Variants in MYO18B observed in about 807,000 individuals in gnomAD.
MYO18B encodes the protein unconventional myosin-XVIIIb.
MYO18B carries 204 observed loss-of-function variants against 273.0 expected under a neutral mutation model. The ratio of observed to expected loss-of-function variants is 0.75; its 90% CI spans 0.67 to 0.84. MYO18B has a LOEUF of 0.84. Ranked by LOEUF, MYO18B falls within the 40% of genes least tolerant of loss-of-function variation. The probability of loss-of-function intolerance (pLI) is 0.00; values close to 1 mark genes in which losing one functional copy is unlikely to be tolerated. For synonymous variants in MYO18B, 1,330 were observed against 1,305.7 expected (o/e 1.02, Z -0.40); for missense variants, 3,212 against 3,287.6 (o/e 0.98, Z 0.56).
intron 27 of MYO18B, chr22:25,892,350 G>A (rs1459980499): frequency 2.0e-5 from 3 of 152,234 alleles, no homozygotes; most frequent in East Asian, 1.9e-4. Context: ...ACCAAATGGC[G>A]AGAAGGCGAG....
chr22:25,943,014 C>T (rs114259041), intron 34 of MYO18B, among the ~76,000 whole-genome samples: 2,303 of 152,140 alleles, frequency 0.015, 69 homozygotes, highest in African/African-American at 0.052. Flanking sequence ...CGAGGACTGG[C>T]GGGATCATGC....
rs1171245377 is a variant in MYO18B, at chr22:26,026,805, T to C, written c.6831T>C (p.Thr2277=). The C allele has an allele frequency of 6.3e-7, 1 of 1,597,234 alleles. No homozygotes were observed. The highest frequency in any genetic ancestry group is 1.4e-5 in the African/African-American group (1 of 73,922). Residue 2277 remains threonine, a synonymous_variant, in exon 43 of 44, where the codon ACT becomes ACC. Transcript: ENST00000335473. ...CGCTGGGCCTAGAGGACTGGCCCAC[T>C]CTCCCCATTTACCAGACGACTGGGG... The part of the protein sequence containing the change: ...GSTLGLEDWP[T]LPIYQTTGAS...
chr22:25,876,567 C>A (rs2091205473), intron 24 of MYO18B, among the ~76,000 whole-genome samples: 1 of 152,180 alleles, frequency 6.6e-6, no homozygotes, highest in Non-Finnish European at 1.5e-5. Flanking sequence ...TATTACCACC[C>A]TGGGGGTTCA....
chr22:26,054,333 C>G, the MYO18B span, among the ~76,000 whole-genome samples: 1 of 152,178 alleles, frequency 6.6e-6, no homozygotes. Context: ...TGAGCCCACC[C>G]CTTTTGCAAG....
chr22:25,990,421 C>T (rs150035463), intron 39 of MYO18B, among the ~76,000 whole-genome samples: 2 of 152,032 alleles, frequency 1.3e-5, no homozygotes, highest in Admixed American at 6.5e-5. Flanking sequence ...TGCAGTGGCT[C>T]ACGCCTGTAA....
intron 14 of MYO18B, 137 bp from the exon 15 acceptor site, chr22:25,828,639 T>G: frequency 1.4e-6 from 1 of 737,184 alleles, no homozygotes; most frequent in South Asian, 1.9e-5. Context: ...CTCAGAGAGG[T>G]TAAGTAGCTT....
In MYO18B at chr22:26,004,950, T is replaced by G. The variant is rs1041420471; in HGVS notation, c.6470+95T>G. On this transcript the variant is annotated intron_variant, in intron 42 of 43. Coordinates refer to ENST00000335473, the MANE Select transcript of MYO18B (RefSeq NM_032608.7). The stretch of plus-strand genomic sequence containing the variant: ...TTCAAGTCTTTCATTGTCTCTGGCA[T>G]AGGCAAAAACAAGCATGGTCCTGAA... The G allele has an allele frequency of 2.7e-6, 4 of 1,506,156 alleles. No homozygotes were observed. The African/African-American group carries it at 5.5e-5, about 21-fold the overall frequency. The allele number at this position is 1,506,156 out of a possible 1,614,324, so 93.3% of individuals were successfully genotyped here. A position where few individuals can be genotyped will look rare whatever the true frequency, so the allele number is the denominator to read the frequency against.
intron 10 of MYO18B, among the ~76,000 whole-genome samples, chr22:25,784,902 G>A (rs1167569043): frequency 6.6e-6 from 1 of 152,180 alleles, no homozygotes; most frequent in Non-Finnish European, 1.5e-5. Context: ...GCAGGATAGC[G>A]CGGAGTCTGG....
chr22:25,775,284 G>T (rs549397806), intron 7 of MYO18B, among the ~76,000 whole-genome samples: 1 of 152,316 alleles, frequency 6.6e-6, no homozygotes, highest in Non-Finnish European at 1.5e-5. Flanking sequence ...ACTCATGACT[G>T]TTCCTCAGGG....
chr22:25,835,204 A>T, intron 16 of MYO18B, 92 bp from the exon 17 acceptor site: 2 of 1,443,136 alleles, frequency 1.4e-6, no homozygotes, highest in Non-Finnish European at 1.8e-6. Flanking sequence ...TGGGACTTGG[A>T]TGCTCTCATT....
At chr22:25,923,118 G>A (rs897857701) in intron 34 of MYO18B, among the ~76,000 whole-genome samples, 1 of 152,158 alleles carries the variant, frequency 6.6e-6, no homozygotes, top group Non-Finnish European at 1.5e-5. Flanking sequence ...TTCTAATCTG[G>A]GTTTGATGGT....
Position 25,878,068 on chromosome 22 carries a change from TGGGTCCTTGTGG to T in MYO18B, c.4314+24_4314+35del, listed in dbSNP as rs1484073768. ...AGCAAGGTATCCCCATCCCTCCTCT[TGGGTCCTTGTGG>T]GGGGTCTTTATGTATGTGAGATCTG... On this transcript the variant is annotated intron_variant, in intron 25 of 43. Coordinates refer to ENST00000335473, the MANE Select transcript of MYO18B (RefSeq NM_032608.7). The T allele has an allele frequency of 5.2e-6, 8 of 1,544,570 alleles. No individual in the cohort carries two copies. Among genetic ancestry groups the T allele is most frequent in the Non-Finnish European group, 7.0e-6 (8 of 1,137,000 alleles).
At position 25,843,753 on chromosome 22, in the gene MYO18B, C is replaced by A. The variant is rs776085741; in HGVS notation, c.3227C>A (p.Thr1076Asn). The A allele has an allele frequency of 1.2e-6, 2 of 1,613,708 alleles. No individual in the cohort carries two copies. The highest frequency in any genetic ancestry group is 1.7e-6 in the Non-Finnish European group (2 of 1,179,622). Residue 1076 changes from threonine to asparagine, a missense_variant, in exon 18 of 44, where the codon ACC becomes AAC. Coordinates refer to ENST00000335473, the MANE Select transcript of MYO18B (RefSeq NM_032608.7). ...AGTEGSSALRTCEQPLQCEIF... is the reference protein window; with the variant it reads ...AGTEGSSALRNCEQPLQCEIF... ...TTTCCAGGGTCCTCTGCCCTGCGGACCTGTGAGCAGCCCCTCCAGTGTGAG... is the reference window on the plus strand; with the variant it reads ...TTTCCAGGGTCCTCTGCCCTGCGGAACTGTGAGCAGCCCCTCCAGTGTGAG...
At chr22:25,875,617 C>T (rs1346125902) in intron 23 of MYO18B, among the ~76,000 whole-genome samples, 1 of 152,222 alleles carries the variant, frequency 6.6e-6, no homozygotes, top group Non-Finnish European at 1.5e-5. Context: ...TTGCAGGCTC[C>T]ATCCCAGAGT....
chr22:25,943,074 A>G (rs562780458), intron 34 of MYO18B, among the ~76,000 whole-genome samples: 28 of 152,178 alleles, frequency 1.8e-4, no homozygotes, highest in Non-Finnish European at 2.9e-4. Flanking sequence ...GAACTGTGTC[A>G]TCGTGTTCTG....
At chr22:26,009,481 GTGT>G (rs1364738786) in intron 42 of MYO18B, among the ~76,000 whole-genome samples, 1 of 152,110 alleles carries the variant, frequency 6.6e-6, no homozygotes, top group Non-Finnish European at 1.5e-5. Context: ...CTTCTCAGAC[GTGT>G]TGTTAATAGG....
intron 1 of MYO18B, chr22:25,756,771 A>G (rs9613013): frequency 0.21 from 32,487 of 152,298 alleles, 4,441 homozygotes; most frequent in African/African-American, 0.37. Context: ...TTGAAACTAT[A>G]TATTGTTGGC....
At chr22:25,963,178 T>TCTCTCACACACA (rs774304270) in intron 39 of MYO18B, among the ~76,000 whole-genome samples, 41 of 144,178 alleles carry the variant, frequency 2.8e-4, no homozygotes, top group African/African-American at 1.0e-3. Flanking sequence ...TCTCTCTCTC[T>TCTCTCACACACA]CACACACACA....
chr22:25,980,854 T>G (rs761642563), intron 39 of MYO18B, among the ~76,000 whole-genome samples: 6 of 152,284 alleles, frequency 3.9e-5, no homozygotes, highest in Middle Eastern at 6.8e-3. Flanking sequence ...GTCCTACAGT[T>G]CTGGAGGCTG....
Sources: allele counts gnomAD v4.1 joint callset (sites outside exome capture counted in the v4.1 genomes callset), GRCh38; gene constraint gnomAD v4.1.1; transcripts MANE v1.5; gene names NCBI Gene and HGNC (gene_info 2026-07-23, HGNC 2026-07-21).